MKLN1: variants seen among roughly 807,000 people sequenced by gnomAD.
MKLN1 encodes the protein muskelin.
A neutral mutation model predicts 99.0 loss-of-function variants in MKLN1; 18 were observed. That is an observed-to-expected ratio of 0.18 (90% CI 0.13 to 0.27). The LOEUF (loss-of-function observed/expected upper bound fraction) is 0.27. Among genes scored for constraint, MKLN1 ranks in the 10% least tolerant of loss-of-function variants. MKLN1 has a pLI of 1.00. For synonymous variants in MKLN1, 288 were observed against 293.2 expected, an observed-to-expected ratio of 0.98 and a Z score of 0.18; for missense variants, 621 against 875.9, an observed-to-expected ratio of 0.71 and a Z score of 3.67.
intron 9 of MKLN1, among the ~76,000 whole-genome samples, chr7:131,432,478 T>C (rs1323408094): frequency 6.6e-6 from 1 of 152,176 alleles, no homozygotes; most frequent in Non-Finnish European, 1.5e-5. Context: ...AAAGTGGTGA[T>C]TCAGTACTGG....
chr7:131,357,653 G>A (rs1402312918), intron 1 of MKLN1, among the ~76,000 whole-genome samples: 1 of 151,914 alleles, frequency 6.6e-6, no homozygotes, highest in African/African-American at 2.4e-5. Context: ...AAAATGTTCC[G>A]GCTTTGGCTG....
chr7:131,482,152 G>A (rs1797142224), intron 17 of MKLN1, among the ~76,000 whole-genome samples: 1 of 152,200 alleles, frequency 6.6e-6, no homozygotes. Flanking sequence ...TATGTGACAA[G>A]TAGGAAAAAT....
At chr7:131,427,408 G>A (rs547075476) in intron 8 of MKLN1, among the ~76,000 whole-genome samples, 1 of 152,256 alleles carries the variant, frequency 6.6e-6, no homozygotes, top group African/African-American at 2.4e-5. Flanking sequence ...GGCCTAAAGC[G>A]TGTTAGTTAG....
chr7:131,187,124 T>C (rs2116372990), intron 2 of MKLN1, among the ~76,000 whole-genome samples: 1 of 152,304 alleles, frequency 6.6e-6, no homozygotes, highest in East Asian at 1.9e-4. Flanking sequence ...TTAGAAGCTG[T>C]GGGATGAAAC....
intron 1 of MKLN1, among the ~76,000 whole-genome samples, chr7:131,369,275 GA>G (rs1303074431): frequency 1.3e-5 from 2 of 152,124 alleles, no homozygotes; most frequent in African/African-American, 4.8e-5. Flanking sequence ...CTAGGTGAAA[GA>G]ATATGTACAT....
intron 2 of MKLN1, among the ~76,000 whole-genome samples, chr7:131,179,189 C>T (rs1335043951): frequency 6.6e-6 from 1 of 152,162 alleles, no homozygotes; most frequent in African/African-American, 2.4e-5. Flanking sequence ...AGGTCATGGG[C>T]ACCATGTAAT....
chr7:131,166,469 T>TA (rs59606610), intron 2 of MKLN1, among the ~76,000 whole-genome samples: 39,456 of 152,016 alleles, frequency 0.26, 5,491 homozygotes, highest in East Asian at 0.58. Flanking sequence ...GATAAAGCCT[T>TA]CAATGGCCTG....
chr7:131,153,663 G>GTTTTTTTTTTTTTTTTTTTTTTTTTT (rs144256871), intron 2 of MKLN1, among the ~76,000 whole-genome samples: 1 of 135,246 alleles, frequency 7.4e-6, no homozygotes, highest in Non-Finnish European at 1.5e-5. Context: ...GGTTTTTTTT[G>GTTTTTTTTTTTTTTTTTTTTTTTTTT]GTTTTTTTTT....
At chr7:131,193,994 CTTTGT>C (rs1375561044) in intron 2 of MKLN1, among the ~76,000 whole-genome samples, 1 of 129,614 alleles carries the variant, frequency 7.7e-6, no homozygotes, top group Non-Finnish European at 1.6e-5. Context: ...ATTTTTCTTG[CTTTGT>C]TTTGTTTTTT....
At chr7:131,449,560 T>C (rs1308798141) in intron 12 of MKLN1, among the ~76,000 whole-genome samples, 5 of 152,216 alleles carry the variant, frequency 3.3e-5, no homozygotes, top group Non-Finnish European at 5.9e-5. Context: ...ATTTCCCACC[T>C]AAAACTGTTG....
intron 15 of MKLN1, among the ~76,000 whole-genome samples, chr7:131,468,604 A>G (rs1168356258): frequency 6.6e-6 from 1 of 152,162 alleles, no homozygotes; most frequent in Non-Finnish European, 1.5e-5. Flanking sequence ...AAATACCACT[A>G]TTATTTTTTC....
intron 1 of MKLN1, among the ~76,000 whole-genome samples, chr7:131,124,549 G>A (rs763834822): frequency 1.2e-4 from 18 of 152,020 alleles, no homozygotes; most frequent in Admixed American, 7.2e-4. Context: ...CATTAGTATC[G>A]GCCCCACCAT....
intron 17 of MKLN1, among the ~76,000 whole-genome samples, chr7:131,486,746 A>T (rs1797292889): frequency 6.6e-6 from 1 of 152,130 alleles, no homozygotes; most frequent in African/African-American, 2.4e-5. Flanking sequence ...TCTCATTTGT[A>T]TGTAAGAAAT....
intron 2 of MKLN1, among the ~76,000 whole-genome samples, chr7:131,148,142 G>A (rs1199901349): frequency 5.3e-5 from 8 of 152,034 alleles, no homozygotes; most frequent in African/African-American, 1.7e-4. Flanking sequence ...TGGAACTCTT[G>A]GGCTCAAGTC....
intron 17 of MKLN1, among the ~76,000 whole-genome samples, chr7:131,483,534 TTCAC>T (rs1693517434): frequency 6.6e-6 from 1 of 152,214 alleles, no homozygotes; most frequent in South Asian, 2.1e-4. Flanking sequence ...ATATTGTTGA[TTCAC>T]TAACATTAAG....
At chr7:131,288,801 A>G (rs1246697277) in intron 3 of MKLN1, among the ~76,000 whole-genome samples, 2 of 152,028 alleles carry the variant, frequency 1.3e-5, no homozygotes, top group Non-Finnish European at 2.9e-5. Context: ...CTATTGCTGC[A>G]TGCTTTTTGC....
intron 12 of MKLN1, among the ~76,000 whole-genome samples, chr7:131,457,748 T>C (rs889690405): frequency 1.3e-5 from 2 of 152,136 alleles, no homozygotes; most frequent in Non-Finnish European, 2.9e-5. Context: ...AAATGCTGTC[T>C]CTACTAAAAA....
chr7:131,356,744 T>C (rs1468252286), intron 1 of MKLN1, among the ~76,000 whole-genome samples: 1 of 152,116 alleles, frequency 6.6e-6, no homozygotes, highest in Non-Finnish European at 1.5e-5. Context: ...ACCTGGAGCT[T>C]AATGGCCACT....
chr7:131,233,112 G>GA (rs1180693032), intron 3 of MKLN1, among the ~76,000 whole-genome samples: 4 of 152,230 alleles, frequency 2.6e-5, no homozygotes, highest in African/African-American at 9.6e-5. Context: ...GGCCGAGGAG[G>GA]AAGGATTGTT....
Sources: allele counts gnomAD v4.1 joint callset (sites outside exome capture counted in the v4.1 genomes callset), GRCh38; gene constraint gnomAD v4.1.1; transcripts MANE v1.5; gene names NCBI Gene and HGNC (gene_info 2026-07-23, HGNC 2026-07-21).